The following ZCCHC14 variants were observed in gnomAD, a reference collection of about 807,000 sequenced individuals.
ZCCHC14 encodes the protein zinc finger CCHC domain-containing protein 14.
A neutral mutation model predicts 85.0 loss-of-function variants in ZCCHC14; 16 were observed. That is an observed-to-expected ratio of 0.19 (90% CI 0.13 to 0.29). ZCCHC14 has a LOEUF of 0.29. Among genes scored for constraint, ZCCHC14 ranks in the 10% least tolerant of loss-of-function variants. ZCCHC14 has a pLI of 1.00. For synonymous variants in ZCCHC14, 775 were observed against 630.7 expected (o/e 1.23, Z -3.43); for missense variants, 1,303 against 1,443.5 (o/e 0.90, Z 1.58).
chr16:87,492,212 C>T lies in ZCCHC14; in HGVS notation c.27G>A (p.Gln9=). Residue 9 remains glutamine (Q), a synonymous_variant, in exon 1 of 13, where the codon CAG becomes CAA. Transcript: ENST00000671377. This position sits in a 1 kb window ranked among gnomAD's most constrained non-coding sequence, Gnocchi z 6.7. The stretch of plus-strand genomic sequence containing the variant: ...AGAACCAGCGGTACACGCCGTCCCT[C>T]TGCAGCGGGCAGCGCTTCTCCACCA... MVEKRCPL[Q]RDGVYRWFSE... is the part of the protein sequence containing the mutation. 1.0e-6 allele frequency: 1 copy of T among 984,646 alleles called. No homozygotes were observed. Among genetic ancestry groups the T allele is most frequent in the Non-Finnish European group, 1.2e-6 (1 of 829,686 alleles). 61.0% of individuals were successfully genotyped at this position (984,646 alleles called of 1,614,324 possible).
intron 2 of ZCCHC14, among the ~76,000 whole-genome samples, chr16:87,456,819 G>C (rs960355540): frequency 7.2e-5 from 11 of 152,302 alleles, no homozygotes; most frequent in African/African-American, 2.2e-4. Context: ...TAATTTTTAA[G>C]AGTGCAAAGG....
At chr16:87,467,329 C>T (rs868013524) in intron 1 of ZCCHC14, 1 of 1,589,442 alleles carries the variant, frequency 6.3e-7, no homozygotes, top group Non-Finnish European at 8.6e-7. Flanking sequence ...CAAGCGAAAA[C>T]AGAAAAAGAT....
chr16:87,456,628 GT>G (rs1910983471), intron 2 of ZCCHC14, among the ~76,000 whole-genome samples: 1 of 139,446 alleles, frequency 7.2e-6, no homozygotes, highest in South Asian at 2.5e-4. Context: ...GATAGATTTT[GT>G]TTTGGAGTTT....
Position 87,412,261 on chromosome 16 carries a change from A to G in ZCCHC14, c.2460T>C (p.Val820=). The change falls in exon 12 of 13, where the codon GTT becomes GTC. Residue 820 remains valine, a synonymous_variant. Transcript: ENST00000671377. The part of the protein sequence containing the change: ...RTALYTANTK[V]AFSAMSSMPV... Reference sequence around the variant, plus strand: ...GCATACTGCTCATTGCAGAAAAGGCAACTTTGGTGTTGGCTGTGTACAGAG... The same window carrying G: ...GCATACTGCTCATTGCAGAAAAGGCGACTTTGGTGTTGGCTGTGTACAGAG... 6.2e-7 allele frequency: 1 copy of G among 1,612,282 alleles called. No individual in the cohort carries two copies. The highest frequency in any genetic ancestry group is 8.5e-7 in the Non-Finnish European group (1 of 1,178,698).
chr16:87,418,021 A>G, intron 7 of ZCCHC14: 1 of 463,516 alleles, frequency 2.2e-6, no homozygotes, highest in South Asian at 5.2e-5. Flanking sequence ...CGTGCTTCGG[A>G]GTATGCGTCT....
chr16:87,413,800 C>G (rs918113999), intron 10 of ZCCHC14, among the ~76,000 whole-genome samples: 4 of 150,156 alleles, frequency 2.7e-5, no homozygotes, highest in Non-Finnish European at 5.9e-5. Context: ...AACGTGGCCT[C>G]TGGGCACCAG....
intron 2 of ZCCHC14, 67 bp downstream of exon 2, chr16:87,459,941 C>A (rs549138302): frequency 6.2e-7 from 1 of 1,603,854 alleles, no homozygotes; most frequent in South Asian, 1.1e-5. Context: ...AATGCCCTCA[C>A]GGGGATCTGG....
At chr16:87,456,622 G>C (rs1910983170) in intron 2 of ZCCHC14, among the ~76,000 whole-genome samples, 1 of 150,304 alleles carries the variant, frequency 6.7e-6, no homozygotes, top group South Asian at 2.1e-4. Context: ...GGTTGGGATA[G>C]ATTTTGTTTT....
intron 8 of ZCCHC14, among the ~76,000 whole-genome samples, chr16:87,415,656 G>T (rs1597399807): frequency 6.6e-6 from 1 of 152,188 alleles, no homozygotes; most frequent in Non-Finnish European, 1.5e-5. Flanking sequence ...CAGGCTGGCG[G>T]CTCTGCCAAA....
chr16:87,441,130 C>T (rs1006880300), intron 2 of ZCCHC14, among the ~76,000 whole-genome samples: 2 of 151,864 alleles, frequency 1.3e-5, no homozygotes, highest in African/African-American at 4.8e-5. Flanking sequence ...GTAGCTGGGA[C>T]TACAGGCGCC....
intron 4 of ZCCHC14, among the ~76,000 whole-genome samples, chr16:87,423,075 ATGTTATCC>A (rs558192647): frequency 9.8e-5 from 15 of 152,352 alleles, no homozygotes; most frequent in African/African-American, 3.6e-4. Context: ...ACATTTACAT[ATGTTATCC>A]CATTCACAAA....
chr16:87,445,153 G>C (rs1910375081), intron 2 of ZCCHC14, among the ~76,000 whole-genome samples: 1 of 150,670 alleles, frequency 6.6e-6, no homozygotes, highest in African/African-American at 2.5e-5. Flanking sequence ...TGCAACCTCT[G>C]CCTCCCAGGT....
At chr16:87,459,104 C>T (rs920960902) in intron 2 of ZCCHC14, among the ~76,000 whole-genome samples, 23 of 152,160 alleles carry the variant, frequency 1.5e-4, no homozygotes, top group African/African-American at 4.8e-4. Context: ...GGGCTCAGGC[C>T]GCGCCTCACT....
At position 87,408,585 on chromosome 16, in the gene ZCCHC14, T is replaced by G. The variant is rs1908303925; in HGVS notation, c.*1695A>C. On this transcript the variant is annotated 3_prime_UTR_variant, in exon 13 of 13. Coordinates refer to ENST00000671377, the MANE Select transcript of ZCCHC14 (RefSeq NM_015144.3). The stretch of plus-strand genomic sequence containing the variant: ...CCATTACTTCAACACTGTAATACTG[T>G]GTACCATGAGGAGAAGAGGTCTGTT... 1 of 152,616 alleles carries G rather than the reference T, an allele frequency of 6.6e-6. No individual in the cohort carries two copies. The highest frequency in any genetic ancestry group is 2.4e-5 in the African/African-American group (1 of 41,444). The allele number at this position is 152,616 out of a possible 1,614,324, so 9.5% of individuals were successfully genotyped here. A position where few individuals can be genotyped will look rare whatever the true frequency, so the allele number is the denominator to read the frequency against.
At chr16:87,434,430 G>T (rs1016119839) in intron 2 of ZCCHC14, among the ~76,000 whole-genome samples, 2 of 152,232 alleles carry the variant, frequency 1.3e-5, no homozygotes, top group African/African-American at 4.8e-5. Context: ...AGAGGCTACG[G>T]GAGCATTCTC....
rs1908261469 is a variant in ZCCHC14 at position 87,407,656 on chromosome 16, A to G, written c.*2624T>C. On this transcript the variant is annotated 3_prime_UTR_variant, in exon 13 of 13. Transcript: ENST00000671377. Reference sequence around the variant, plus strand: ...AGACTACAAAGGGCAAAGACGTGGCACATGGCCAGTGCCACACCTACCTGG... The same window carrying G: ...AGACTACAAAGGGCAAAGACGTGGCGCATGGCCAGTGCCACACCTACCTGG... 1 of 152,288 alleles carries G rather than the reference A, an allele frequency of 6.6e-6. No homozygotes were observed. Among genetic ancestry groups the G allele is most frequent in the African/African-American group, 2.4e-5 (1 of 41,476 alleles). The allele number at this position is 152,288 out of a possible 1,614,324, so 9.4% of individuals were successfully genotyped here.
intron 2 of ZCCHC14, among the ~76,000 whole-genome samples, chr16:87,438,223 C>T (rs1037444211): frequency 8.5e-5 from 13 of 152,270 alleles, no homozygotes; most frequent in Non-Finnish European, 1.5e-4. Flanking sequence ...ATGCACGCCC[C>T]GACCCAGCCG....
chr16:87,442,693 A>C (rs1216370705), intron 2 of ZCCHC14, among the ~76,000 whole-genome samples: 1 of 152,284 alleles, frequency 6.6e-6, no homozygotes, highest in East Asian at 1.9e-4. Flanking sequence ...AAGCCCAAAG[A>C]AATCAACACC....
chr16:87,479,067 A>G (rs1912149979), intron 1 of ZCCHC14, among the ~76,000 whole-genome samples: 1 of 152,170 alleles, frequency 6.6e-6, no homozygotes, highest in African/African-American at 2.4e-5. Context: ...AGTCTAGACT[A>G]TAATCCTTCT....
Sources: gnomAD v4.1 joint callset for allele counts (sites outside exome capture counted in the v4.1 genomes callset) on GRCh38, gnomAD v4.1.1 for gene constraint, Gnocchi (gnomAD v3.1) non-coding constraint, MANE v1.5 for transcripts, NCBI Gene and HGNC (gene_info 2026-07-23, HGNC 2026-07-21) for gene names.